The following CCNJL variants were observed in gnomAD, a reference collection of about 807,000 sequenced individuals.
The protein encoded by CCNJL is cyclin-J-like protein.
Under a neutral mutation model 33.4 loss-of-function variants are expected in CCNJL, and 33 were observed. That is an observed-to-expected ratio of 0.99 (90% CI 0.75 to 1.32). CCNJL has a LOEUF of 1.32. Among genes scored for constraint, CCNJL ranks in the 40% most tolerant of loss-of-function variants. The pLI is 0.00. For synonymous variants in CCNJL, 227 were observed against 220.9 expected (o/e 1.03, Z -0.24); for missense variants, 512 against 499.7 (o/e 1.02, Z -0.23).
At chr5:160,320,867 TTCTC>T (rs1383347131) in intron 1 of CCNJL, among the ~76,000 whole-genome samples, 28 of 144,192 alleles carry the variant, frequency 1.9e-4, no homozygotes, top group African/African-American at 5.6e-4. Flanking sequence ...CTTTCTTTCT[TTCTC>T]TCTTTCTTTC....
At position 160,253,338 on chromosome 5, in the gene CCNJL, C is replaced by T. The variant is rs1760891346; in HGVS notation, c.*40G>A. The T allele has an allele frequency of 6.5e-7, 1 of 1,533,838 alleles. No individual in the cohort carries two copies. Among genetic ancestry groups the T allele is most frequent in the Non-Finnish European group, 8.8e-7 (1 of 1,137,518 alleles). On this transcript the variant is annotated 3_prime_UTR_variant, in exon 6 of 6. Coordinates refer to ENST00000257536, the MANE Select transcript of CCNJL (RefSeq NM_001308173.3). Reference sequence around the variant, plus strand: ...TCCTCTTCAGTGTCCTCTTCCTCTGCCCACATCTCCAAGGCTTCCTCGTGA... The same window carrying T: ...TCCTCTTCAGTGTCCTCTTCCTCTGTCCACATCTCCAAGGCTTCCTCGTGA...
Position 160,258,636 on chromosome 5 carries a change from C to A in CCNJL, c.583+833G>T. 2.9e-6 allele frequency: 3 copies of A among 1,022,170 alleles called. No individual in the cohort carries two copies. In the South Asian group the frequency reaches 3.8e-5, roughly 13 times the overall value. The allele number at this position is 1,022,170 out of a possible 1,614,324, so 63.3% of individuals were successfully genotyped here. ...TGCAGCTGTTACGAAGATGGTTAAACCTGAAACAATCTTAAGAATTATTTG... is the reference window on the plus strand; with the variant it reads ...TGCAGCTGTTACGAAGATGGTTAAAACTGAAACAATCTTAAGAATTATTTG... On this transcript the variant is annotated intron_variant, in intron 4 of 5. Coordinates refer to ENST00000257536, the MANE Select transcript of CCNJL (RefSeq NM_001308173.3).
chr5:160,311,730 A>G, intron 2 of CCNJL, 128 bp downstream of exon 2: 3 of 791,580 alleles, frequency 3.8e-6, no homozygotes, highest in Non-Finnish European at 6.7e-6. Context: ...GGGAGAAGGT[A>G]AAGGGTAAGA....
At chr5:160,317,737 C>G (rs1202955052), upstream of CCNJL, among the ~76,000 whole-genome samples, 1 of 152,172 alleles carries the variant, frequency 6.6e-6, no homozygotes. Flanking sequence ...GCTGCCATAA[C>G]AAAGTACAAC....
At chr5:160,304,712 G>A (rs999327907) in intron 2 of CCNJL, among the ~76,000 whole-genome samples, 8 of 152,124 alleles carry the variant, frequency 5.3e-5, no homozygotes, top group Non-Finnish European at 1.0e-4. Flanking sequence ...TCCCTTGAGG[G>A]ATGCAGAAAT....
At position 160,255,663 on chromosome 5, in the gene CCNJL, C is replaced by T. The variant is rs1336681175; in HGVS notation, c.629G>A (p.Cys210Tyr). ...KFQPSVVAAA[C>Y]VGASRICLQL... ...CAGGCAAATCCTGGAGGCCCCAACA[C>T]AGGCCGCAGCGACCACAGAAGGCTG... Residue 210 changes from cysteine (C) to tyrosine (Y), a missense_variant, in exon 5 of 6, where the codon TGT becomes TAT. Physicochemically the swap from Cys to Tyr is radical, Grantham distance 194. Coordinates refer to ENST00000257536, the MANE Select transcript of CCNJL (RefSeq NM_001308173.3). The T allele has an allele frequency of 1.2e-6, 2 of 1,613,986 alleles. No individual in the cohort carries two copies. The highest frequency in any genetic ancestry group is 1.3e-5 in the African/African-American group (1 of 74,944).
At chr5:160,272,994 C>T (rs1377361532) in intron 3 of CCNJL, among the ~76,000 whole-genome samples, 2 of 152,080 alleles carry the variant, frequency 1.3e-5, no homozygotes, top group African/African-American at 4.8e-5. Context: ...ACTTTGCAGT[C>T]AATAAAAAGA....
chr5:160,258,649 T>A, intron 4 of CCNJL: 1 of 961,070 alleles, frequency 1.0e-6, no homozygotes, highest in Non-Finnish European at 1.7e-6. Context: ...GAAACAATCT[T>A]AAGAATTATT....
chr5:160,309,601 C>A (rs1763201976), intron 2 of CCNJL, among the ~76,000 whole-genome samples: 1 of 152,264 alleles, frequency 6.6e-6, no homozygotes, highest in Non-Finnish European at 1.5e-5. Flanking sequence ...TGCCAGCCCT[C>A]ATTCCTCAAG....
intron 2 of CCNJL, among the ~76,000 whole-genome samples, chr5:160,305,755 T>C (rs1356023731): frequency 6.6e-6 from 1 of 152,196 alleles, no homozygotes; most frequent in Admixed American, 6.5e-5. Flanking sequence ...AGCCTTGCAG[T>C]TTCTTGTCTG....
chr5:160,256,524 C>T (rs531493068), intron 4 of CCNJL, among the ~76,000 whole-genome samples: 1 of 152,182 alleles, frequency 6.6e-6, no homozygotes, highest in Non-Finnish European at 1.5e-5. Context: ...TATCTGGCCA[C>T]GAGGAAAAGC....
At chr5:160,318,524 A>G (rs946185343) in intron 1 of CCNJL, among the ~76,000 whole-genome samples, 1 of 152,264 alleles carries the variant, frequency 6.6e-6, no homozygotes. Flanking sequence ...GGAAAGATGA[A>G]TGACCGGGGA....
At chr5:160,313,291 T>A (rs1360379891), upstream of CCNJL, among the ~76,000 whole-genome samples, 3 of 152,248 alleles carry the variant, frequency 2.0e-5, no homozygotes, top group Non-Finnish European at 4.4e-5. Flanking sequence ...TTGATTTTTG[T>A]GATAGTTTTG....
At chr5:160,290,109 T>C (rs1038198591) in intron 2 of CCNJL, among the ~76,000 whole-genome samples, 1 of 152,184 alleles carries the variant, frequency 6.6e-6, no homozygotes, top group Admixed American at 6.5e-5. Flanking sequence ...CCAGGCACCC[T>C]TGGTTTCTTC....
chr5:160,280,629 G>A lies in CCNJL; in HGVS notation c.176C>T (p.Ala59Val). 1.9e-6 allele frequency: 3 copies of A among 1,613,566 alleles called. No individual in the cohort carries two copies. The highest frequency in any genetic ancestry group is 2.5e-6 in the Non-Finnish European group (3 of 1,179,930). Residue 59 changes from alanine to valine, a missense_variant, in exon 3 of 6, where the codon GCC (alanine) becomes GTC (valine). Physicochemically the swap from Ala to Val is moderately conservative, Grantham distance 64. Transcript: ENST00000257536. ...CAGCAGGTAGACGGCCAGGTGCCGGGCTGCAGGGCAGAGCTGGCAGTGGCT... is the reference window on the plus strand; with the variant it reads ...CAGCAGGTAGACGGCCAGGTGCCGGACTGCAGGGCAGAGCTGGCAGTGGCT... ...LSSHCQLCPA[A>V]RHLAVYLLDH...
At chr5:160,320,951 C>G (rs10055597) in intron 1 of CCNJL, among the ~76,000 whole-genome samples, 8,220 of 141,698 alleles carry the variant, frequency 0.058, 1,358 homozygotes, top group African/African-American at 0.23. Context: ...TTCCTTCCCT[C>G]CTTCTCTCCT....
intron 3 of CCNJL, among the ~76,000 whole-genome samples, chr5:160,264,090 C>G (rs1394322271): frequency 1.3e-5 from 2 of 151,914 alleles, no homozygotes; most frequent in East Asian, 3.9e-4. Context: ...GGTATATAGG[C>G]ACACGCCACC....
chr5:160,255,567 C>T lies in CCNJL; in HGVS notation c.725G>A (p.Cys242Tyr). Residue 242 changes from cysteine to tyrosine, a missense_variant, in exon 5 of 6, where the codon TGT becomes TAT. Transcript: ENST00000257536. ...SSYSLEHLST[C>Y]IEILLVVYDN... ...AACTTACACCAGCAGGATTTCAATA[C>T]ACGTGCTGAGGTGCTCCAGGGAATA... 2.5e-6 allele frequency: 4 copies of T among 1,614,128 alleles called. No individual in the cohort carries two copies. The highest frequency in any genetic ancestry group is 3.4e-6 in the Non-Finnish European group (4 of 1,179,978).
At chr5:160,303,461 C>T (rs1334551460) in intron 2 of CCNJL, among the ~76,000 whole-genome samples, 1 of 151,828 alleles carries the variant, frequency 6.6e-6, no homozygotes, top group African/African-American at 2.4e-5. Context: ...CTGCCTCAGC[C>T]TCCCAAAGTG....
Sources: gnomAD v4.1 joint callset for allele counts (sites outside exome capture counted in the v4.1 genomes callset) on GRCh38, gnomAD v4.1.1 for gene constraint, MANE v1.5 for transcripts, NCBI Gene and HGNC (gene_info 2026-07-23, HGNC 2026-07-21) for gene names.